DGKI: variants seen among roughly 807,000 people sequenced by gnomAD.
The protein encoded by DGKI is diacylglycerol kinase iota.
A neutral mutation model predicts 147.5 loss-of-function variants in DGKI; 55 were observed. The observed-to-expected ratio is 0.37, with a 90% CI of 0.30 to 0.47. The LOEUF is 0.47. Among genes scored for constraint, DGKI ranks in the 20% least tolerant of loss-of-function variants. The pLI is 1.00. For missense variants in DGKI, 1,007 were observed against 1,323.8 expected (o/e 0.76, Z 3.71); for synonymous variants, 469 against 477.1 (o/e 0.98, Z 0.22).
chr7:137,588,819 T>C (rs1042925610), intron 12 of DGKI, among the ~76,000 whole-genome samples: 2 of 152,182 alleles, frequency 1.3e-5, no homozygotes, highest in African/African-American at 4.8e-5. Context: ...CAAAGTCCTT[T>C]AATGAATTAT....
At chr7:137,785,934 A>G (rs1425431905) in intron 1 of DGKI, among the ~76,000 whole-genome samples, 1 of 152,206 alleles carries the variant, frequency 6.6e-6, no homozygotes, top group African/African-American at 2.4e-5. Context: ...CTTTATGATT[A>G]AAACCCTCAG....
intron 19 of DGKI, among the ~76,000 whole-genome samples, chr7:137,569,767 A>AAAAAAG (rs1818730483): frequency 7.9e-6 from 1 of 126,086 alleles, no homozygotes. Context: ...AAAAAAAAAA[A>AAAAAAG]AAAAAGAATT....
chr7:137,809,897 C>T (rs1208171174), intron 1 of DGKI, among the ~76,000 whole-genome samples: 2 of 150,200 alleles, frequency 1.3e-5, no homozygotes, highest in Admixed American at 1.3e-4. Flanking sequence ...GCGCAAAACC[C>T]AGTTGGAAAA....
At chr7:137,634,949 T>C (rs1030057227) in intron 6 of DGKI, among the ~76,000 whole-genome samples, 5 of 152,128 alleles carry the variant, frequency 3.3e-5, no homozygotes, top group African/African-American at 9.7e-5. Context: ...TATATAATGA[T>C]GCACAGGCAG....
chr7:137,397,136 C>A (rs562390374), intron 31 of DGKI, among the ~76,000 whole-genome samples: 2 of 152,352 alleles, frequency 1.3e-5, no homozygotes, highest in Admixed American at 1.3e-4. Flanking sequence ...TTGTTTGAAG[C>A]AAGCTCTAAA....
intron 21 of DGKI, among the ~76,000 whole-genome samples, chr7:137,488,442 G>A (rs1815646226): frequency 6.6e-6 from 1 of 152,036 alleles, no homozygotes. Flanking sequence ...ACACACAGTG[G>A]CTTTAGTGTA....
At chr7:137,647,934 G>T (rs1198358089) in intron 5 of DGKI, among the ~76,000 whole-genome samples, 1 of 152,164 alleles carries the variant, frequency 6.6e-6, no homozygotes, top group Non-Finnish European at 1.5e-5. Context: ...CATAGAAGTG[G>T]TTACTCAAAA....
intron 27 of DGKI, among the ~76,000 whole-genome samples, chr7:137,455,756 C>G (rs960961595): frequency 6.6e-5 from 10 of 151,804 alleles, no homozygotes; most frequent in Admixed American, 4.6e-4. Context: ...CAGAGGGCCC[C>G]AGAAGTACCG....
intron 8 of DGKI, among the ~76,000 whole-genome samples, chr7:137,611,999 G>T (rs981616257): frequency 1.2e-4 from 18 of 152,132 alleles, no homozygotes; most frequent in Admixed American, 3.3e-4. Context: ...TCCTTGACAG[G>T]ATGTCAGCAA....
chr7:137,385,580 A>C lies in DGKI; in HGVS notation c.*5640T>G, dbSNP rs1811157427. On this transcript the variant is annotated 3_prime_UTR_variant, in exon 33 of 33. Transcript: ENST00000614521. The stretch of plus-strand genomic sequence containing the variant: ...CTTCATCTTCTTTATATTTAGTCAA[A>C]ACCCACTGAAAACTCTGCTTATTTT... 1 of 152,074 alleles carries C rather than the reference A, an allele frequency of 6.6e-6. No homozygotes were observed. The highest frequency in any genetic ancestry group is 2.4e-5 in the African/African-American group (1 of 41,414). The allele number at this position is 152,074 out of a possible 1,614,324, so 9.4% of individuals were successfully genotyped here. A position where few individuals can be genotyped will look rare whatever the true frequency, so the allele number is the denominator to read the frequency against.
intron 1 of DGKI, among the ~76,000 whole-genome samples, chr7:137,810,370 T>A (rs1797523124): frequency 6.6e-6 from 1 of 151,710 alleles, no homozygotes; most frequent in Non-Finnish European, 1.5e-5. Flanking sequence ...GAAAAAAAAA[T>A]TAAGGAAAAG....
At chr7:137,759,535 T>A (rs2116797842) in intron 1 of DGKI, among the ~76,000 whole-genome samples, 1 of 152,084 alleles carries the variant, frequency 6.6e-6, no homozygotes, top group African/African-American at 2.4e-5. Flanking sequence ...AGAGACGGGG[T>A]TTCACCATGT....
intron 1 of DGKI, among the ~76,000 whole-genome samples, chr7:137,770,276 T>C (rs575812158): frequency 1.4e-5 from 2 of 146,660 alleles, no homozygotes; most frequent in Non-Finnish European, 3.0e-5. Context: ...TGAGAACACA[T>C]GGACACAGGG....
At chr7:137,437,751 CT>C (rs1813337475) in intron 28 of DGKI, among the ~76,000 whole-genome samples, 1 of 151,854 alleles carries the variant, frequency 6.6e-6, no homozygotes. Flanking sequence ...GTTATAACAA[CT>C]AAAACAATAG....
intron 3 of DGKI, among the ~76,000 whole-genome samples, chr7:137,667,871 A>T (rs1822697769): frequency 6.6e-6 from 1 of 152,092 alleles, no homozygotes; most frequent in Non-Finnish European, 1.5e-5. Context: ...CGCCCATTTC[A>T]TTTTTTAATG....
At chr7:137,641,600 T>A (rs1236445193) in intron 6 of DGKI, among the ~76,000 whole-genome samples, 1 of 152,230 alleles carries the variant, frequency 6.6e-6, no homozygotes, top group Non-Finnish European at 1.5e-5. Flanking sequence ...ATATTTAGAC[T>A]TGGGTCCCAT....
intron 21 of DGKI, chr7:137,493,769 G>A (rs1815859683): frequency 2.8e-6 from 2 of 701,806 alleles, no homozygotes; most frequent in Non-Finnish European, 5.2e-6. Flanking sequence ...CAAAAAGCCA[G>A]AGAGTCTTCT....
At chr7:137,638,608 A>ATGTG (rs1333181375) in intron 6 of DGKI, among the ~76,000 whole-genome samples, 536 of 1,326 alleles carry the variant, frequency 0.4, 165 homozygotes, top group African/African-American at 0.53. Flanking sequence ...ATATGTATAT[A>ATGTG]TATACACACA....
At chr7:137,589,498 G>A (rs967274000) in intron 12 of DGKI, among the ~76,000 whole-genome samples, 11 of 152,098 alleles carry the variant, frequency 7.2e-5, no homozygotes, top group South Asian at 2.1e-4. Flanking sequence ...CTTCTTTTAC[G>A]TGCAATACCA....
Sources: allele counts gnomAD v4.1 joint callset (sites outside exome capture counted in the v4.1 genomes callset), GRCh38; gene constraint gnomAD v4.1.1; transcripts MANE v1.5; gene names NCBI Gene and HGNC (gene_info 2026-07-23, HGNC 2026-07-21).